The following PTCSC3 variants were observed in gnomAD, a reference collection of about 807,000 sequenced individuals.
PTCSC3 encodes the protein papillary thyroid carcinoma susceptibility candidate 3 (non-protein coding).
At chr14:36,141,472 C>T (rs2899847) in intron 3 of PTCSC3, among the ~76,000 whole-genome samples, 102,111 of 151,696 alleles carry the variant, frequency 0.67, 34,671 homozygotes, top group Non-Finnish European at 0.72. Context: ...TATCTATAAA[C>T]ATCCCAGGTA....
At chr14:36,141,001 A>G (rs1201561562) in intron 3 of PTCSC3, among the ~76,000 whole-genome samples, 2 of 152,134 alleles carry the variant, frequency 1.3e-5, no homozygotes, top group African/African-American at 4.8e-5. Flanking sequence ...TCTTTTCTCC[A>G]CTGGATTGCC....
intron 2 of PTCSC3, among the ~76,000 whole-genome samples, chr14:36,156,120 G>T (rs1881820078): frequency 6.6e-6 from 1 of 152,186 alleles, no homozygotes; most frequent in Admixed American, 6.5e-5. Context: ...AAGATTATAT[G>T]GTCTGTGGGT....
chr14:36,156,808 T>C (rs1259452445), intron 2 of PTCSC3, among the ~76,000 whole-genome samples: 2 of 152,214 alleles, frequency 1.3e-5, no homozygotes, highest in African/African-American at 4.8e-5. Context: ...TTATCCAGTC[T>C]ATCATTGATG....
chr14:36,169,803 C>T (rs1882160846), intron 1 of PTCSC3, among the ~76,000 whole-genome samples: 1 of 152,160 alleles, frequency 6.6e-6, no homozygotes, highest in Non-Finnish European at 1.5e-5. Context: ...ACTTTTCTTA[C>T]ACATATTGAC....
At chr14:36,171,744 G>A (rs1481542020) in intron 1 of PTCSC3, among the ~76,000 whole-genome samples, 2 of 152,138 alleles carry the variant, frequency 1.3e-5, no homozygotes, top group Non-Finnish European at 2.9e-5. Context: ...AAAAGCAGAA[G>A]GTCTGTTTAA....
intron 2 of PTCSC3, among the ~76,000 whole-genome samples, chr14:36,156,711 G>A (rs373386938): frequency 6.6e-6 from 1 of 152,048 alleles, no homozygotes; most frequent in East Asian, 1.9e-4. Context: ...ATGGTTTCCA[G>A]CTTCATCCAT....
chr14:36,146,814 C>T (rs1274441488), intron 3 of PTCSC3, among the ~76,000 whole-genome samples: 1 of 152,130 alleles, frequency 6.6e-6, no homozygotes, highest in Non-Finnish European at 1.5e-5. Context: ...TTGTTCCTTT[C>T]CATATTTAGT....
chr14:36,145,168 G>T lies in PTCSC3; in HGVS notation n.322+8636C>A, dbSNP rs1474981936. On this transcript the variant is annotated intron_variant and non_coding_transcript_variant, in intron 3 of 3. Coordinates refer to ENST00000556013, the Ensembl canonical transcript of PTCSC3. ...TGGCTTTGGTATCAGGATGACGCTG[G>T]CCTCATAAGATGAGTTAGGGAGGAT... 1.7e-4 allele frequency among the ~76,000 whole-genome samples: 24 copies of T among 144,752 alleles called. No homozygotes were observed. In the South Asian group the frequency reaches 5.4e-3, roughly 32 times the overall value. The allele number at this position is 144,752 out of a possible 152,430, so 95.0% of individuals were successfully genotyped here.
At chr14:36,160,218 C>T (rs1030365605) in intron 2 of PTCSC3, among the ~76,000 whole-genome samples, 1 of 152,108 alleles carries the variant, frequency 6.6e-6, no homozygotes, top group Non-Finnish European at 1.5e-5. Flanking sequence ...GGCATTTAGT[C>T]CATTTACATT....
At position 36,174,766 on chromosome 14, in the gene PTCSC3, T is replaced by C. The variant is rs764982243; in HGVS notation, n.171+1532A>G. On this transcript the variant is annotated intron_variant and non_coding_transcript_variant, in intron 1 of 3. Coordinates refer to ENST00000556013, the Ensembl canonical transcript of PTCSC3. ...TGTCGGGGTTTGGTTTCAGGCTTTGTTGGGGTGAGTCTAGAGTTGGTCTTT... is the reference window on the plus strand; with the variant it reads ...TGTCGGGGTTTGGTTTCAGGCTTTGCTGGGGTGAGTCTAGAGTTGGTCTTT... Among the ~76,000 whole-genome samples the C allele has an allele frequency of 3.3e-5, 5 of 152,304 alleles. No homozygotes were observed. In the South Asian group the frequency reaches 6.2e-4, roughly 19 times the overall value.
chr14:36,147,815 G>C (rs1365334704), intron 3 of PTCSC3, among the ~76,000 whole-genome samples: 1 of 151,848 alleles, frequency 6.6e-6, no homozygotes, highest in Non-Finnish European at 1.5e-5. Context: ...GGTCTTTGAT[G>C]ATGGTGATGT....
At chr14:36,138,504 CA>C (rs1881338826) in intron 3 of PTCSC3, among the ~76,000 whole-genome samples, 1 of 152,126 alleles carries the variant, frequency 6.6e-6, no homozygotes, top group African/African-American at 2.4e-5. Flanking sequence ...AAGAGACAGA[CA>C]ACTCACTAAA....
At chr14:36,141,162 G>T (rs1319764432) in intron 3 of PTCSC3, among the ~76,000 whole-genome samples, 1 of 152,060 alleles carries the variant, frequency 6.6e-6, no homozygotes, top group East Asian at 1.9e-4. Flanking sequence ...TCTGAAATAA[G>T]GTAGTGTCAG....
At chr14:36,148,258 C>A (rs1274208903) in intron 3 of PTCSC3, among the ~76,000 whole-genome samples, 7 of 152,174 alleles carry the variant, frequency 4.6e-5, no homozygotes, top group African/African-American at 1.4e-4. Flanking sequence ...TCCCCTCCCC[C>A]AGCCTCGCTG....
At chr14:36,137,780 T>C (rs1365998261) in intron 3 of PTCSC3, among the ~76,000 whole-genome samples, 1 of 152,034 alleles carries the variant, frequency 6.6e-6, no homozygotes, top group African/African-American at 2.4e-5. Flanking sequence ...GCAGGTATGG[T>C]GGGGGAAGTA....
At position 36,140,808 on chromosome 14, in the gene PTCSC3, C is replaced by T. The variant is rs1434834034; in HGVS notation, n.323-4452G>A. On this transcript the variant is annotated intron_variant and non_coding_transcript_variant, in intron 3 of 3. Transcript: ENST00000556013. ...GATGTTCTAAAAACTCATTATCAAACCTTGGATCATTTAGATTTTCTTCCT... is the reference window on the plus strand; with the variant it reads ...GATGTTCTAAAAACTCATTATCAAATCTTGGATCATTTAGATTTTCTTCCT... 2.6e-5 allele frequency among the ~76,000 whole-genome samples: 4 copies of T among 152,036 alleles called. No individual in the cohort carries two copies. In the East Asian group the frequency reaches 7.7e-4, roughly 29 times the overall value.
At chr14:36,162,176 A>ACTTGTG (rs1881970541) in intron 2 of PTCSC3, among the ~76,000 whole-genome samples, 1 of 149,454 alleles carries the variant, frequency 6.7e-6, no homozygotes, top group Non-Finnish European at 1.5e-5. Context: ...GAGCAAGACA[A>ACTTGTG]CTTGGCTCCC....
intron 2 of PTCSC3, among the ~76,000 whole-genome samples, chr14:36,157,779 C>T (rs540114816): frequency 9.9e-4 from 151 of 152,124 alleles, no homozygotes; most frequent in African/African-American, 3.5e-3. Flanking sequence ...AAGTAGTTTT[C>T]TCTAATTCTG....
intron 1 of PTCSC3, among the ~76,000 whole-genome samples, chr14:36,171,073 C>A (rs992267934): frequency 6.6e-6 from 1 of 152,204 alleles, no homozygotes; most frequent in South Asian, 2.1e-4. Flanking sequence ...ACTTAACTAC[C>A]AATTATAATA....
Sources: allele counts gnomAD v4.1 joint callset (sites outside exome capture counted in the v4.1 genomes callset), GRCh38; gene constraint gnomAD v4.1.1; transcripts MANE v1.5; gene names NCBI Gene and HGNC (gene_info 2026-07-23, HGNC 2026-07-21).